RBM27: variants seen among roughly 807,000 people sequenced by gnomAD.
RBM27 encodes the protein RNA binding motif protein 27, also known as RNA-binding protein 27.
RBM27 carries 22 observed loss-of-function variants against 135.3 expected under a neutral mutation model. The observed-to-expected ratio is 0.16, with a 90% CI of 0.12 to 0.23. The LOEUF (loss-of-function observed/expected upper bound fraction) is 0.23, where lower values mean the gene tolerates loss of function less well. RBM27 is among the 10% of genes least tolerant of loss of function. The probability of loss-of-function intolerance (pLI) is 1.00; values close to 1 mark genes in which losing one functional copy is unlikely to be tolerated. For synonymous variants in RBM27, 481 were observed against 442.4 expected (o/e 1.09, Z -1.10); for missense variants, 1,009 against 1,281.0 (o/e 0.79, Z 3.24).
chr5:146,223,582 A>T, intron 3 of RBM27, 55 bp downstream of exon 3: 2 of 1,551,644 alleles, frequency 1.3e-6, no homozygotes, highest in Non-Finnish European at 1.7e-6. Flanking sequence ...TGTCACCAGT[A>T]TCCTTAGTTG....
chr5:146,263,704 CAGACAGTGA>C lies in RBM27; in HGVS notation c.2331+81_2331+89del, dbSNP rs769959551. 13 of 1,522,648 alleles carry C rather than the reference CAGACAGTGA, an allele frequency of 8.5e-6. No individual in the cohort carries two copies. In the East Asian group the frequency reaches 1.4e-4, roughly 16 times the overall value. 94.3% of individuals were successfully genotyped at this position (1,522,648 alleles called of 1,614,324 possible). A position where few individuals can be genotyped will look rare whatever the true frequency, so the allele number is the denominator to read the frequency against. On this transcript the variant is annotated intron_variant, in intron 14 of 20. Coordinates refer to ENST00000265271, the MANE Select transcript of RBM27 (RefSeq NM_018989.2). ...TTAACAGAATAAATCAGTTATCATT[CAGACAGTGA>C]AGACAGTTGTGACAGTTAACCTAAG...
At chr5:146,282,908 T>C (rs979701238) in intron 19 of RBM27, among the ~76,000 whole-genome samples, 1 of 152,222 alleles carries the variant, frequency 6.6e-6, no homozygotes, top group Non-Finnish European at 1.5e-5. Flanking sequence ...TGATTTGTTG[T>C]AAGTTAGATA....
At chr5:146,220,344 G>A (rs932889891) in intron 2 of RBM27, among the ~76,000 whole-genome samples, 2 of 151,750 alleles carry the variant, frequency 1.3e-5, no homozygotes, top group Admixed American at 1.3e-4. Context: ...GCGTGGTGGC[G>A]TGTGCCTGTA....
chr5:146,284,685 G>A lies in RBM27; in HGVS notation c.3052G>A (p.Val1018Ile). ...ACAGATATCATGGCACAAGCCCAAG[G>A]TACCATCTATATCCACTGAGACTGA... is the stretch of plus-strand genomic sequence containing the variant. ...RLQISWHKPKVPSISTETEEE... is the reference protein window; with the variant it reads ...RLQISWHKPKIPSISTETEEE... Residue 1018 changes from valine (V) to isoleucine (I), a missense_variant, in exon 20 of 21, where the codon GTA (valine) becomes ATA (isoleucine). Coordinates refer to ENST00000265271, the MANE Select transcript of RBM27 (RefSeq NM_018989.2). The A allele has an allele frequency of 1.9e-6, 3 of 1,613,452 alleles. No individual in the cohort carries two copies. Among genetic ancestry groups the A allele is most frequent in the Non-Finnish European group, 2.5e-6 (3 of 1,179,612 alleles).
In RBM27 at chr5:146,239,914, C is replaced by T. The variant is rs544479293; in HGVS notation, c.1279+2482C>T. On this transcript the variant is annotated intron_variant, in intron 8 of 20. Coordinates refer to ENST00000265271, the MANE Select transcript of RBM27 (RefSeq NM_018989.2). Reference sequence around the variant, plus strand: ...ACCTCAGCCTCCCAAATAGCTGGGGCCACAGGCATGTGCCACCACACCCGG... The same window carrying T: ...ACCTCAGCCTCCCAAATAGCTGGGGTCACAGGCATGTGCCACCACACCCGG... Among the ~76,000 whole-genome samples, 4 of 151,794 alleles carry T rather than the reference C, an allele frequency of 2.6e-5. No individual in the cohort carries two copies. In the South Asian group the frequency reaches 8.3e-4, roughly 32 times the overall value.
At position 146,233,694 on chromosome 5, in the gene RBM27, T is replaced by C; in HGVS notation, c.1095T>C (p.Val365=). ...CTGGCCATAGTATGAGACTTCCTGT[T>C]CCCCAAGGACATGGTCAGCCTCCAC... The part of the protein sequence containing the change: ...PGPGHSMRLP[V]PQGHGQPPPS... The change falls in exon 7 of 21, where the codon GTT becomes GTC. Residue 365 remains valine (V), a synonymous_variant. Transcript: ENST00000265271. The C allele has an allele frequency of 6.7e-7, 1 of 1,502,284 alleles. No individual in the cohort carries two copies. Among genetic ancestry groups the C allele is most frequent in the South Asian group, 1.4e-5 (1 of 73,260 alleles). 93.1% of individuals were successfully genotyped at this position (1,502,284 alleles called of 1,614,324 possible).
At chr5:146,247,929 C>G (rs1031049333) in intron 8 of RBM27, among the ~76,000 whole-genome samples, 3 of 152,150 alleles carry the variant, frequency 2.0e-5, no homozygotes, top group Non-Finnish European at 4.4e-5. Context: ...AACTCTAAAT[C>G]TATAGTTTCT....
intron 3 of RBM27, among the ~76,000 whole-genome samples, chr5:146,227,517 T>C (rs764889898): frequency 1.3e-5 from 2 of 152,246 alleles, no homozygotes; most frequent in Non-Finnish European, 2.9e-5. Context: ...ACTTCCTGAT[T>C]TGTGTATTTG....
chr5:146,284,371 C>T (rs1759496784), intron 19 of RBM27, among the ~76,000 whole-genome samples: 1 of 152,082 alleles, frequency 6.6e-6, no homozygotes, highest in African/African-American at 2.4e-5. Context: ...AAAATTATTT[C>T]TTCAACCAAG....
At chr5:146,243,328 A>C (rs1757487807) in intron 8 of RBM27, among the ~76,000 whole-genome samples, 1 of 152,234 alleles carries the variant, frequency 6.6e-6, no homozygotes, top group Admixed American at 6.5e-5. Context: ...TCTTTGAGAC[A>C]GATAATTGAA....
chr5:146,276,584 G>A (rs1167399955), intron 19 of RBM27, among the ~76,000 whole-genome samples: 1 of 152,140 alleles, frequency 6.6e-6, no homozygotes, highest in East Asian at 1.9e-4. Flanking sequence ...CATCTTCCAA[G>A]TATCTGAAAA....
chr5:146,253,839 G>A (rs1313121334), intron 9 of RBM27, among the ~76,000 whole-genome samples: 2 of 152,122 alleles, frequency 1.3e-5, no homozygotes, highest in South Asian at 2.1e-4. Flanking sequence ...CTTATTGGCC[G>A]TTGACTCAAA....
chr5:146,254,282 C>T (rs868011999), intron 9 of RBM27, among the ~76,000 whole-genome samples: 2 of 152,016 alleles, frequency 1.3e-5, no homozygotes, highest in Non-Finnish European at 2.9e-5. Context: ...TAGTGAGACT[C>T]CATCTCCGTT....
intron 6 of RBM27, among the ~76,000 whole-genome samples, chr5:146,232,623 C>T (rs777749927): frequency 1.1e-4 from 17 of 151,808 alleles, no homozygotes; most frequent in Non-Finnish European, 7.4e-5. Context: ...GGCAGGAGTG[C>T]AGTGCCATGA....
chr5:146,246,349 A>T (rs1417767901), intron 8 of RBM27, among the ~76,000 whole-genome samples: 1 of 152,224 alleles, frequency 6.6e-6, no homozygotes, highest in Non-Finnish European at 1.5e-5. Context: ...AATATTAAGA[A>T]GTTGAAAATA....
intron 6 of RBM27, among the ~76,000 whole-genome samples, chr5:146,231,472 T>G (rs1375224872): frequency 6.6e-6 from 1 of 152,124 alleles, no homozygotes; most frequent in Non-Finnish European, 1.5e-5. Flanking sequence ...ATGGTTTGGC[T>G]CTCATTAAGA....
intron 8 of RBM27, among the ~76,000 whole-genome samples, chr5:146,245,769 G>C (rs1200890619): frequency 2.6e-5 from 4 of 152,060 alleles, no homozygotes; most frequent in African/African-American, 9.7e-5. Flanking sequence ...CGCATATGAA[G>C]GATCTGAGTT....
Position 146,236,954 on chromosome 5 carries a change from T to C in RBM27, c.1145-344T>C, listed in dbSNP as rs1428551019. On this transcript the variant is annotated intron_variant, in intron 7 of 20. Transcript: ENST00000265271. Reference sequence around the variant, plus strand: ...CCTTTTTTTTTTTTTTTTTTTTTTTTCGAGACAGAGTTTTGCTTTTGTTGC... The same window carrying C: ...CCTTTTTTTTTTTTTTTTTTTTTTTCCGAGACAGAGTTTTGCTTTTGTTGC... Among the ~76,000 whole-genome samples the C allele has an allele frequency of 3.9e-4, 40 of 102,278 alleles. No homozygotes were observed. In the East Asian group the frequency reaches 8.1e-3, roughly 21 times the overall value. 67.1% of individuals were successfully genotyped at this position (102,278 alleles called of 152,430 possible).
intron 6 of RBM27, 127 bp downstream of exon 6, chr5:146,231,044 C>T: frequency 8.5e-7 from 1 of 1,176,916 alleles, no homozygotes. Context: ...TATTTTGAGA[C>T]AGAGTCTTGC....
Sources: gnomAD v4.1 joint callset for allele counts (sites outside exome capture counted in the v4.1 genomes callset) on GRCh38, gnomAD v4.1.1 for gene constraint, MANE v1.5 for transcripts, NCBI Gene and HGNC (gene_info 2026-07-23, HGNC 2026-07-21) for gene names.